The following PLEKHA6 variants were observed in gnomAD, a reference collection of about 807,000 sequenced individuals.
The protein encoded by PLEKHA6 is pleckstrin homology domain-containing family A member 6.
Under a neutral mutation model 116.7 loss-of-function variants are expected in PLEKHA6, and 60 were observed. That is an observed-to-expected ratio of 0.51 (90% CI 0.42 to 0.64). PLEKHA6 has a LOEUF of 0.64. PLEKHA6 is among the 30% of genes least tolerant of loss of function. The pLI, the probability that PLEKHA6 is intolerant of heterozygous loss-of-function variation, is 0.00. For synonymous variants in PLEKHA6, 489 were observed against 556.1 expected (o/e 0.88, Z 1.70); for missense variants, 1,338 against 1,422.7 (o/e 0.94, Z 0.96).
intron 1 of PLEKHA6, among the ~76,000 whole-genome samples, chr1:204,342,748 G>A (rs993303548): frequency 6.6e-6 from 1 of 152,180 alleles, no homozygotes; most frequent in African/African-American, 2.4e-5. Flanking sequence ...CTGGGAACTT[G>A]GAGAAGCAGA....
chr1:204,313,766 T>G (rs751402062), intron 1 of PLEKHA6: 1 of 920,330 alleles, frequency 1.1e-6, no homozygotes, highest in East Asian at 1.2e-4. Flanking sequence ...GAGAGCACCA[T>G]GTAGGTGTCT....
At chr1:204,266,305 T>C (rs1342104461) in intron 5 of PLEKHA6, among the ~76,000 whole-genome samples, 1 of 152,172 alleles carries the variant, frequency 6.6e-6, no homozygotes, top group Non-Finnish European at 1.5e-5. Context: ...CAGGCCAGCA[T>C]TTAGGGGAGT....
upstream of PLEKHA6, chr1:204,377,781 G>C (rs1333265157): frequency 6.5e-6 from 1 of 152,790 alleles, no homozygotes; most frequent in Non-Finnish European, 1.5e-5. Context: ...TGGTGGGGGA[G>C]GGGGTCCGGC....
Position 204,259,275 on chromosome 1 carries a change from C to A in PLEKHA6, c.990G>T (p.Pro330=). Residue 330 remains proline (P), a synonymous_variant, in exon 8 of 23, where the codon CCG becomes CCT. Transcript: ENST00000272203. The surrounding 1 kb of genome is among the most constrained non-coding windows in gnomAD (Gnocchi z 4.6). ...TGCCTCACCTCCGAAGGTCTTCAGG[C>A]GGGGGTACCCCCCGGCGCAGATTCA... The part of the protein sequence containing the change: ...QWVNLRRGVP[P]PEDLRSPSRF... The A allele has an allele frequency of 6.2e-7, 1 of 1,613,748 alleles. No individual in the cohort carries two copies. Among genetic ancestry groups the A allele is most frequent in the South Asian group, 1.1e-5 (1 of 91,066 alleles).
chr1:204,243,319 C>G, intron 15 of PLEKHA6: 1 of 399,744 alleles, frequency 2.5e-6, no homozygotes, highest in Non-Finnish European at 4.4e-6. Context: ...ACTGTGAGAG[C>G]AGGAGAAAAG....
chr1:204,290,749 G>A (rs962454806), intron 1 of PLEKHA6, among the ~76,000 whole-genome samples: 1 of 152,094 alleles, frequency 6.6e-6, no homozygotes, highest in South Asian at 2.1e-4. Flanking sequence ...CAGCACTTTC[G>A]GGTGCCAAGG....
intron 1 of PLEKHA6, among the ~76,000 whole-genome samples, chr1:204,348,022 C>T (rs997215453): frequency 2.4e-4 from 37 of 152,258 alleles, no homozygotes; most frequent in African/African-American, 8.7e-4. Context: ...TAGAAACGTA[C>T]ATCCAACTTG....
rs1480937100 is a variant in PLEKHA6, at chr1:204,228,899, C to T, written c.2751+38G>A. ...TGGGGTCACCACCTCTGTCCCTTCC[C>T]AGAGTCTCCCACTACAGCCCTTCCT... On this transcript the variant is annotated intron_variant, in intron 19 of 22. Transcript: ENST00000272203. The surrounding 1 kb of genome is among the most constrained non-coding windows in gnomAD (Gnocchi z 4.0). The T allele has an allele frequency of 1.2e-6, 2 of 1,613,918 alleles. No individual in the cohort carries two copies. The highest frequency in any genetic ancestry group is 1.7e-6 in the Non-Finnish European group (2 of 1,179,982).
chr1:204,363,991 G>C (rs1269248833), upstream of PLEKHA6, among the ~76,000 whole-genome samples: 5 of 152,290 alleles, frequency 3.3e-5, no homozygotes, highest in Non-Finnish European at 5.9e-5. Context: ...AACGTCTGTT[G>C]TGGATACCAT....
At chr1:204,376,115 T>C (rs1673865033) in intron 1 of PLEKHA6, among the ~76,000 whole-genome samples, 1 of 152,218 alleles carries the variant, frequency 6.6e-6, no homozygotes, top group South Asian at 2.1e-4. Flanking sequence ...TATCTTATTG[T>C]TTTTATCTCC....
At chr1:204,365,522 T>C (rs918595513) in intron 3 of PLEKHA6, among the ~76,000 whole-genome samples, 4 of 152,200 alleles carry the variant, frequency 2.6e-5, no homozygotes, top group Non-Finnish European at 5.9e-5. Context: ...TCTGCTTTGC[T>C]GGTATTTCTA....
Position 204,291,458 on chromosome 1 carries a change from CACA to C in PLEKHA6, c.-94-16652_-94-16650del, listed in dbSNP as rs1271931138. On this transcript the variant is annotated intron_variant, in intron 1 of 22. Coordinates refer to ENST00000272203, the MANE Select transcript of PLEKHA6 (RefSeq NM_014935.5). ...CAAAAAAAAGGAAAGCATATGTCCA[CACA>C]ACGACTTGTAGACAGATGTTCACAG... Among the ~76,000 whole-genome samples, 7 of 152,326 alleles carry C rather than the reference CACA, an allele frequency of 4.6e-5. No individual in the cohort carries two copies. The East Asian group carries it at 1.2e-3, about 25-fold the overall frequency.
intron 17 of PLEKHA6, among the ~76,000 whole-genome samples, chr1:204,236,024 G>GT (rs1661995658): frequency 6.6e-6 from 1 of 152,204 alleles, no homozygotes; most frequent in Admixed American, 6.5e-5. Context: ...GGTTGAGAGT[G>GT]TGACCCATGA....
chr1:204,298,077 T>G (rs1405409152), intron 1 of PLEKHA6: 6 of 166,126 alleles, frequency 3.6e-5, no homozygotes, highest in Admixed American at 1.3e-4. Flanking sequence ...CCACAAGTAG[T>G]CAGACATGTG....
chr1:204,360,272 C>T (rs975740823), upstream of PLEKHA6, among the ~76,000 whole-genome samples: 1 of 149,296 alleles, frequency 6.7e-6, no homozygotes, highest in African/African-American at 2.6e-5. Context: ...GGGGCCTCAC[C>T]CAGCCAGCCT....
chr1:204,250,512 A>G, intron 10 of PLEKHA6, 34 bp downstream of exon 10: 1 of 1,483,236 alleles, frequency 6.7e-7, no homozygotes, highest in South Asian at 1.1e-5. Flanking sequence ...AGGAGGCTGG[A>G]GTGGAGGGAG....
chr1:204,243,831 A>T (rs557829015), intron 15 of PLEKHA6, among the ~76,000 whole-genome samples: 59 of 151,796 alleles, frequency 3.9e-4, no homozygotes, highest in African/African-American at 1.4e-3. Context: ...TATTATTATT[A>T]TTTTTTTGAG....
chr1:204,359,664 C>T (rs979802363), intron 1 of PLEKHA6, 30 bp downstream of exon 1: 4 of 984,020 alleles, frequency 4.1e-6, no homozygotes, highest in Non-Finnish European at 4.8e-6. Flanking sequence ...CCTCCCACCT[C>T]ATCTATGTGA....
rs1483330761 is a variant in PLEKHA6, at chr1:204,365,784, G to T, written c.218+2015C>A. Among the ~76,000 whole-genome samples the T allele has an allele frequency of 3.3e-5, 5 of 152,338 alleles. No homozygotes were observed. In the East Asian group the frequency reaches 9.6e-4, roughly 29 times the overall value. On this transcript the variant is annotated intron_variant, in intron 3 of 4. Coordinates refer to the PLEKHA6 transcript ENST00000564627. The stretch of plus-strand genomic sequence containing the variant: ...CTGCTCCCAGGACTTACACAGCAGT[G>T]GGGGGACCAGAAATACATAACCAAA...
Sources: gnomAD v4.1 joint callset for allele counts (sites outside exome capture counted in the v4.1 genomes callset) on GRCh38, gnomAD v4.1.1 for gene constraint, Gnocchi (gnomAD v3.1) non-coding constraint, MANE v1.5 for transcripts, NCBI Gene and HGNC (gene_info 2026-07-23, HGNC 2026-07-21) for gene names.